Variants in THRAP3 observed in about 807,000 individuals in gnomAD.
THRAP3 encodes the protein thyroid hormone receptor-associated protein 3.
THRAP3 carries 16 observed loss-of-function variants against 101.0 expected under a neutral mutation model. The ratio of observed to expected loss-of-function variants is 0.16; its 90% CI spans 0.11 to 0.24. THRAP3 has a LOEUF of 0.24. Ranked by LOEUF, THRAP3 falls within the 10% of genes least tolerant of loss-of-function variation. THRAP3 has a pLI of 1.00. For missense variants in THRAP3, 989 were observed against 1,202.7 expected (o/e 0.82, Z 2.63); for synonymous variants, 407 against 422.6 (o/e 0.96, Z 0.45).
chr1:36,235,158 G>T (rs928988359), intron 1 of THRAP3, among the ~76,000 whole-genome samples: 1 of 151,620 alleles, frequency 6.6e-6, no homozygotes, highest in South Asian at 2.1e-4. Context: ...TAGCTGCAGG[G>T]GGGGTTATTG....
intron 2 of THRAP3, among the ~76,000 whole-genome samples, chr1:36,269,885 CTT>C (rs1557434238): frequency 6.6e-6 from 1 of 152,044 alleles, no homozygotes; most frequent in South Asian, 2.1e-4. Flanking sequence ...CTGCATGTCT[CTT>C]TTTTTAAATA....
chr1:36,271,976 C>T (rs1010565934), intron 2 of THRAP3, among the ~76,000 whole-genome samples: 3 of 151,798 alleles, frequency 2.0e-5, no homozygotes, highest in Admixed American at 1.3e-4. Flanking sequence ...GTAATTCACC[C>T]CCTTTGGCTT....
intron 1 of THRAP3, among the ~76,000 whole-genome samples, chr1:36,249,502 A>T (rs564779649): frequency 1.3e-5 from 2 of 152,058 alleles, no homozygotes; most frequent in Non-Finnish European, 2.9e-5. Flanking sequence ...CACAGTCCCT[A>T]TTCTTAAGGG....
chr1:36,242,890 A>G (rs1424640153), intron 1 of THRAP3, among the ~76,000 whole-genome samples: 2 of 152,276 alleles, frequency 1.3e-5, no homozygotes, highest in East Asian at 3.9e-4. Flanking sequence ...TAAAAATTTT[A>G]AAGCTTTTCA....
chr1:36,264,110 A>C (rs1645482837), intron 2 of THRAP3, among the ~76,000 whole-genome samples: 1 of 152,208 alleles, frequency 6.6e-6, no homozygotes. Context: ...CCCAGGCTGG[A>C]GTGCAGTGGC....
upstream of THRAP3, among the ~76,000 whole-genome samples, chr1:36,222,503 T>A (rs949939366): frequency 2.6e-5 from 4 of 151,718 alleles, no homozygotes; most frequent in Non-Finnish European, 5.9e-5. Flanking sequence ...ACCTCCTGGG[T>A]TCAAGCGATT....
Position 36,280,680 on chromosome 1 carries a change from T to G in THRAP3, c.-31-1853T>G, listed in dbSNP as rs371355381. ...TTGGCTATTAATTAGCTTTGTGATC[T>G]TTGATAGATTCCTTACTCTTACTGT... On this transcript the variant is annotated intron_variant, in intron 2 of 11. Transcript: ENST00000354618. 2.0e-4 allele frequency among the ~76,000 whole-genome samples: 30 copies of G among 152,348 alleles called. No homozygotes were observed. In the East Asian group the frequency reaches 3.9e-3, roughly 20 times the overall value.
At chr1:36,288,507 C>T in intron 4 of THRAP3, 5 of 985,442 alleles carry the variant, frequency 5.1e-6, no homozygotes, top group Non-Finnish European at 4.8e-6. Context: ...CTGTCACCCT[C>T]TCCCCCATTA....
chr1:36,250,835 C>T (rs946742971), intron 1 of THRAP3, among the ~76,000 whole-genome samples: 1 of 152,202 alleles, frequency 6.6e-6, no homozygotes, highest in African/African-American at 2.4e-5. Context: ...CAACCTCCAC[C>T]TCCTGGGCTC....
chr1:36,302,688 G>T (rs532368249), intron 11 of THRAP3, among the ~76,000 whole-genome samples: 1 of 152,130 alleles, frequency 6.6e-6, no homozygotes, highest in Admixed American at 6.6e-5. Context: ...TTTGTGGGGG[G>T]GTGGTTTAGA....
intron 4 of THRAP3, chr1:36,288,301 GC>G: frequency 1.2e-6 from 1 of 838,212 alleles, no homozygotes; most frequent in Non-Finnish European, 1.4e-6. Context: ...TTTTATCCTT[GC>G]CCCCTCCCAT....
chr1:36,260,301 C>T (rs1645428525), intron 2 of THRAP3, among the ~76,000 whole-genome samples: 1 of 152,064 alleles, frequency 6.6e-6, no homozygotes, highest in African/African-American at 2.4e-5. Context: ...GTAGACATAC[C>T]AGACCATCAG....
chr1:36,235,835 G>A (rs1409757109), intron 1 of THRAP3, among the ~76,000 whole-genome samples: 3 of 152,086 alleles, frequency 2.0e-5, no homozygotes, highest in Admixed American at 6.6e-5. Flanking sequence ...ACTGCTTATG[G>A]TACATTCATA....
At chr1:36,210,746 A>ATATCATATATATATCATATATATATGAT in the THRAP3 span, among the ~76,000 whole-genome samples, 1 of 98,852 alleles carries the variant, frequency 1.0e-5, no homozygotes, top group Non-Finnish European at 2.0e-5. Flanking sequence ...TCATATATAT[A>ATATCATATATATATCATATATATATGAT]AAGTGTCAGC....
chr1:36,212,418 C>CTTTTTTTTTTTTTTTTTTT, the THRAP3 span, among the ~76,000 whole-genome samples: 5 of 122,048 alleles, frequency 4.1e-5, no homozygotes, highest in African/African-American at 1.7e-4. Context: ...TTCTTTCTTT[C>CTTTTTTTTTTTTTTTTTTT]TTTTTTTTTT....
At chr1:36,222,140 T>G (rs1045641457), upstream of THRAP3, among the ~76,000 whole-genome samples, 2 of 151,830 alleles carry the variant, frequency 1.3e-5, no homozygotes, top group Non-Finnish European at 2.9e-5. Flanking sequence ...CCTCAGGTTA[T>G]CCACCCGCCT....
At chr1:36,229,119 A>G (rs1644995266) in intron 1 of THRAP3, among the ~76,000 whole-genome samples, 1 of 152,016 alleles carries the variant, frequency 6.6e-6, no homozygotes, top group Non-Finnish European at 1.5e-5. Context: ...ATTTTTTGAG[A>G]TGGAGCCTCG....
At chr1:36,229,012 A>C (rs1644994118) in intron 1 of THRAP3, among the ~76,000 whole-genome samples, 1 of 152,158 alleles carries the variant, frequency 6.6e-6, no homozygotes, top group Non-Finnish European at 1.5e-5. Flanking sequence ...AGGAAGAAAA[A>C]GGTAATTGCT....
chr1:36,279,576 A>G (rs1645705971), intron 2 of THRAP3, among the ~76,000 whole-genome samples: 1 of 152,214 alleles, frequency 6.6e-6, no homozygotes, highest in Non-Finnish European at 1.5e-5. Context: ...AATATCTTTG[A>G]CCTTGCTAGA....
Sources: gnomAD v4.1 joint callset for allele counts (sites outside exome capture counted in the v4.1 genomes callset) on GRCh38, gnomAD v4.1.1 for gene constraint, MANE v1.5 for transcripts, NCBI Gene and HGNC (gene_info 2026-07-23, HGNC 2026-07-21) for gene names.